Variants in MALT1 observed in about 807,000 individuals in gnomAD.
MALT1 encodes the protein MALT1 paracaspase.
Under a neutral mutation model 85.5 loss-of-function variants are expected in MALT1, and 36 were observed. That is an observed-to-expected ratio of 0.42 (90% confidence interval 0.32 to 0.56). The LOEUF (loss-of-function observed/expected upper bound fraction) is 0.56, where lower values mean the gene tolerates loss of function less well. Among genes scored for constraint, MALT1 ranks in the 20% least tolerant of loss-of-function variants. The pLI, the probability that MALT1 is intolerant of heterozygous loss-of-function variation, is 0.10. For missense variants in MALT1, 716 were observed against 981.6 expected (o/e 0.73, Z 3.62); for synonymous variants, 359 against 361.3 (o/e 0.99, Z 0.07).
chr18:58,745,843 A>G, intron 16 of MALT1, 52 bp downstream of exon 16: 3 of 1,561,920 alleles, frequency 1.9e-6, no homozygotes, highest in Non-Finnish European at 2.6e-6. Context: ...ATGAAACTGG[A>G]AACTTATTTT....
intron 10 of MALT1, among the ~76,000 whole-genome samples, chr18:58,732,461 T>C (rs950827556): frequency 1.3e-5 from 2 of 152,214 alleles, no homozygotes; most frequent in African/African-American, 4.8e-5. Context: ...GGAAGATTGA[T>C]ATTTATATCT....
intron 2 of MALT1, among the ~76,000 whole-genome samples, chr18:58,694,982 G>C (rs1454991349): frequency 2.0e-5 from 3 of 152,172 alleles, no homozygotes; most frequent in Non-Finnish European, 4.4e-5. Flanking sequence ...GGAGGGACCT[G>C]GTGGGAGGTA....
At chr18:58,676,104 A>G (rs755083396) in intron 1 of MALT1, among the ~76,000 whole-genome samples, 2 of 152,144 alleles carry the variant, frequency 1.3e-5, no homozygotes, top group African/African-American at 2.4e-5. Flanking sequence ...TTGTCTCTCA[A>G]CTAGATTATT....
At chr18:58,721,896 G>T (rs1436492690) in intron 9 of MALT1, among the ~76,000 whole-genome samples, 1 of 152,186 alleles carries the variant, frequency 6.6e-6, no homozygotes, top group Admixed American at 6.5e-5. Context: ...TGCGTCAGAG[G>T]GGGTGGCCTG....
At chr18:58,705,187 T>C (rs2144374573) in intron 4 of MALT1, among the ~76,000 whole-genome samples, 1 of 152,326 alleles carries the variant, frequency 6.6e-6, no homozygotes, top group South Asian at 2.1e-4. Flanking sequence ...TACCTTAAAA[T>C]ATAAGAACCT....
chr18:58,709,375 A>T lies in MALT1; in HGVS notation c.650-3A>T. 6.5e-7 allele frequency: 1 copy of T among 1,540,342 alleles called. No individual in the cohort carries two copies. Among genetic ancestry groups the T allele is most frequent in the Non-Finnish European group, 8.7e-7 (1 of 1,144,380 alleles). ...GAGATTTTATTTTTTCTTTTAATTT[A>T]AGGAAGTGTTGATGGCGTCTCTGAA... is the stretch of plus-strand genomic sequence containing the variant. On this transcript the variant is annotated splice_region_variant and splice_polypyrimidine_tract_variant and intron_variant, in intron 4 of 16. Transcript: ENST00000649217.
intron 10 of MALT1, among the ~76,000 whole-genome samples, chr18:58,728,882 T>A (rs2063452297): frequency 6.6e-6 from 1 of 152,154 alleles, no homozygotes; most frequent in Admixed American, 6.5e-5. Flanking sequence ...CAGAGTTGTA[T>A]CTTCACCCCA....
rs879350074 is a variant in MALT1, at chr18:58,733,795, G to A, written c.1400+221G>A. 25 of 826,158 alleles carry A rather than the reference G, an allele frequency of 3.0e-5. No homozygotes were observed. In the Admixed American group the frequency reaches 9.3e-4, roughly 31 times the overall value. 51.2% of individuals were successfully genotyped at this position (826,158 alleles called of 1,614,324 possible). A position where few individuals can be genotyped will look rare whatever the true frequency, so the allele number is the denominator to read the frequency against. ...TAGAACACAAATGAAGAACTAAAGGGCATGGGCATTTACTCACACTACAGG... is the reference window on the plus strand; with the variant it reads ...TAGAACACAAATGAAGAACTAAAGGACATGGGCATTTACTCACACTACAGG... On this transcript the variant is annotated intron_variant, in intron 11 of 16. Coordinates refer to ENST00000649217, the MANE Select transcript of MALT1 (RefSeq NM_006785.4).
chr18:58,725,101 G>A (rs916701873), intron 10 of MALT1, among the ~76,000 whole-genome samples: 13 of 151,028 alleles, frequency 8.6e-5, no homozygotes, highest in Admixed American at 7.3e-4. Flanking sequence ...CTGCACTTCA[G>A]CCTGGGTGAC....
intron 9 of MALT1, among the ~76,000 whole-genome samples, chr18:58,721,461 T>C (rs1444549320): frequency 2.0e-5 from 3 of 152,218 alleles, no homozygotes; most frequent in African/African-American, 7.2e-5. Context: ...CGCTTTTTCA[T>C]TGAATTAATA....
At position 58,725,890 on chromosome 18, in the gene MALT1, G is replaced by A. The variant is rs529550944; in HGVS notation, c.1222+2639G>A. The stretch of plus-strand genomic sequence containing the variant: ...AGCCTGGCCAACATGGTGAAACCCC[G>A]TCTCTACTAAAAGTACAAAAATTAG... On this transcript the variant is annotated intron_variant, in intron 10 of 16. Coordinates refer to ENST00000649217, the MANE Select transcript of MALT1 (RefSeq NM_006785.4). 7.6e-4 allele frequency among the ~76,000 whole-genome samples: 116 copies of A among 151,992 alleles called. 1 individual carries two copies. The highest frequency in any genetic ancestry group is 1.4e-3 in the Non-Finnish European group (98 of 67,972).
chr18:58,723,226 A>G lies in MALT1; in HGVS notation c.1197A>G (p.Leu399=). 6.2e-7 allele frequency: 1 copy of G among 1,613,272 alleles called. No homozygotes were observed. The highest frequency in any genetic ancestry group is 8.5e-7 in the Non-Finnish European group (1 of 1,179,434). The stretch of plus-strand genomic sequence containing the variant: ...TGCGTAATGCTGTGGATGAGTTTTT[A>G]CTCCTTTTAGACAAGGGAGTATATG... The part of the protein sequence containing the change: ...YEMRNAVDEF[L]LLLDKGVYGL... Residue 399 remains leucine, a synonymous_variant, in exon 10 of 17, where the codon TTA becomes TTG. Transcript: ENST00000649217.
In MALT1 at chr18:58,717,153, A is replaced by G. The variant is rs560997844; in HGVS notation, c.1018+1186A>G. On this transcript the variant is annotated intron_variant, in intron 9 of 16. Coordinates refer to ENST00000649217, the MANE Select transcript of MALT1 (RefSeq NM_006785.4). ...GAGGCAGGCAGGATCACCTGGGGTCAGAAGATTGAGATCAGCCTAACCAAC... is the reference window on the plus strand; with the variant it reads ...GAGGCAGGCAGGATCACCTGGGGTCGGAAGATTGAGATCAGCCTAACCAAC... Among the ~76,000 whole-genome samples, 47 of 152,314 alleles carry G rather than the reference A, an allele frequency of 3.1e-4. No individual in the cohort carries two copies. The South Asian group carries it at 9.7e-3, about 32-fold the overall frequency.
chr18:58,703,419 G>A (rs28482304), intron 4 of MALT1, among the ~76,000 whole-genome samples: 1 of 152,084 alleles, frequency 6.6e-6, no homozygotes, highest in Non-Finnish European at 1.5e-5. Flanking sequence ...CTCTGCATTA[G>A]CCCATTCTCA....
chr18:58,746,218 CTA>C (rs1028169709), intron 16 of MALT1, among the ~76,000 whole-genome samples: 20 of 152,120 alleles, frequency 1.3e-4, no homozygotes, highest in African/African-American at 4.8e-4. Context: ...AGGGATCTCA[CTA>C]TATTGCCCAG....
In MALT1 at chr18:58,707,462, C is replaced by T. The variant is rs145875095; in HGVS notation, c.650-1916C>T. 8.9e-3 allele frequency among the ~76,000 whole-genome samples: 1,351 copies of T among 151,134 alleles called. 78 individuals carry two copies. The highest frequency in any genetic ancestry group is 0.079 in the Admixed American group (1,194 of 15,146). ...TAATTATACTCTAAGTTTTGGGATA[C>T]GTGTACAGAACGTGCAGGTTTGTTA... On this transcript the variant is annotated intron_variant, in intron 4 of 16. Coordinates refer to ENST00000649217, the MANE Select transcript of MALT1 (RefSeq NM_006785.4).
Position 58,751,149 on chromosome 18 carries a change from T to C in MALT1, c.*3307T>C, listed in dbSNP as rs1385640606. ...AATAGCTAGTGTGAGGAACTGAACATAAAATTTTAGTTTTAGGATGGGTGT... is the reference window on the plus strand; with the variant it reads ...AATAGCTAGTGTGAGGAACTGAACACAAAATTTTAGTTTTAGGATGGGTGT... On this transcript the variant is annotated 3_prime_UTR_variant, in exon 17 of 17. Transcript: ENST00000649217. 1 of 152,208 alleles carries C rather than the reference T, an allele frequency of 6.6e-6. No homozygotes were observed. The highest frequency in any genetic ancestry group is 6.5e-5 in the Admixed American group (1 of 15,268). 9.4% of individuals were successfully genotyped at this position (152,208 alleles called of 1,614,324 possible). A position where few individuals can be genotyped will look rare whatever the true frequency, so the allele number is the denominator to read the frequency against.
At chr18:58,736,907 G>C (rs1356473888) in intron 13 of MALT1, among the ~76,000 whole-genome samples, 1 of 152,200 alleles carries the variant, frequency 6.6e-6, no homozygotes, top group Non-Finnish European at 1.5e-5. Context: ...CCCTTATTTT[G>C]AGTTTTGGAT....
intron 13 of MALT1, 51 bp from the exon 14 acceptor site, chr18:58,741,814 A>G: frequency 8.7e-7 from 1 of 1,148,984 alleles, no homozygotes; most frequent in Non-Finnish European, 1.2e-6. Context: ...AAATATTTAA[A>G]ACATAAGAAT....
Sources: allele counts gnomAD v4.1 joint callset (sites outside exome capture counted in the v4.1 genomes callset), GRCh38; gene constraint gnomAD v4.1.1; transcripts MANE v1.5; gene names NCBI Gene and HGNC (gene_info 2026-07-23, HGNC 2026-07-21).